NEBL: variants seen among roughly 807,000 people sequenced by gnomAD.
NEBL encodes the protein nebulette.
In NEBL, 122 loss-of-function variants were observed where a neutral mutation model predicts 140.2. The ratio of observed to expected loss-of-function variants is 0.87; its 90% confidence interval spans 0.75 to 1.01. NEBL has a LOEUF of 1.01. Ranked by LOEUF, NEBL falls within the 50% of genes least tolerant of loss-of-function variation. NEBL has a pLI of 0.00. For missense variants in NEBL, 1,365 were observed against 1,231.3 expected, an observed-to-expected ratio of 1.11 and a Z score of -1.62; for synonymous variants, 436 against 398.9, an observed-to-expected ratio of 1.09 and a Z score of -1.11.
At chr10:20,800,764 G>A (rs11012346) in intron 26 of NEBL, among the ~76,000 whole-genome samples, 15,381 of 151,594 alleles carry the variant, frequency 0.1, 1,001 homozygotes, top group Non-Finnish European at 0.14. Flanking sequence ...TCCCTCTAGC[G>A]GACCACTGAG....
chr10:20,880,748 C>T, intron 5 of NEBL, 46 bp downstream of exon 5: 1 of 1,406,446 alleles, frequency 7.1e-7, no homozygotes. Flanking sequence ...CCTAATATGA[C>T]TTAACTACAG....
At position 20,780,210 on chromosome 10, in the gene NEBL, G is replaced by T. The variant is rs1272382448; in HGVS notation, c.*5537C>A. The T allele has an allele frequency of 6.6e-6, 1 of 152,156 alleles. No individual in the cohort carries two copies. Among genetic ancestry groups the T allele is most frequent in the Non-Finnish European group, 1.5e-5 (1 of 68,030 alleles). 9.4% of individuals were successfully genotyped at this position (152,156 alleles called of 1,614,324 possible). On this transcript the variant is annotated 3_prime_UTR_variant, in exon 28 of 28. Coordinates refer to ENST00000377122, the MANE Select transcript of NEBL (RefSeq NM_006393.3). Reference sequence around the variant, plus strand: ...TGATAAATGAGCCTTTCTTAGCTGAGAAATCAGTTGCTTCCCATTTTATGT... The same window carrying T: ...TGATAAATGAGCCTTTCTTAGCTGATAAATCAGTTGCTTCCCATTTTATGT...
chr10:21,075,763 G>T (rs1270143688), intron 2 of NEBL, among the ~76,000 whole-genome samples: 1 of 152,258 alleles, frequency 6.6e-6, no homozygotes, highest in African/African-American at 2.4e-5. Context: ...ACTACTCTCA[G>T]AAAATACTTG....
At chr10:21,155,206 A>C (rs538402828) in intron 2 of NEBL, among the ~76,000 whole-genome samples, 4 of 152,290 alleles carry the variant, frequency 2.6e-5, no homozygotes, top group Admixed American at 6.5e-5. Context: ...CACACACACA[A>C]AAAAATTTTT....
At chr10:21,137,544 A>G (rs1459777206) in intron 2 of NEBL, among the ~76,000 whole-genome samples, 1 of 152,124 alleles carries the variant, frequency 6.6e-6, no homozygotes, top group East Asian at 1.9e-4. Context: ...CTGCCCCATT[A>G]GGTTTTCAGT....
At chr10:20,998,409 T>G (rs1365187468) in intron 3 of NEBL, among the ~76,000 whole-genome samples, 1 of 152,180 alleles carries the variant, frequency 6.6e-6, no homozygotes, top group African/African-American at 2.4e-5. Context: ...TAACTCCCAG[T>G]AAATAATGTC....
chr10:21,059,810 T>G (rs1349383114), intron 2 of NEBL, among the ~76,000 whole-genome samples: 1 of 152,198 alleles, frequency 6.6e-6, no homozygotes, highest in African/African-American at 2.4e-5. Context: ...ATTAAGGTTA[T>G]CTTACAGTGA....
At chr10:20,800,371 C>T (rs981439473) in intron 26 of NEBL, among the ~76,000 whole-genome samples, 1 of 152,026 alleles carries the variant, frequency 6.6e-6, no homozygotes, top group South Asian at 2.1e-4. Flanking sequence ...CCCATTCATC[C>T]TTTGATGGGC....
At position 20,850,472 on chromosome 10, in the gene NEBL, T is replaced by C. The variant is rs1842398385; in HGVS notation, c.1039A>G (p.Lys347Glu). The change falls in exon 11 of 28, where the codon AAG becomes GAG. Residue 347 changes from lysine (K) to glutamate (E), a missense_variant. Physicochemically the swap from Lys to Glu is moderately conservative, Grantham distance 56. Transcript: ENST00000377122. ...VKYKEEYEKN[K>E]GKPMLEFVET... Reference sequence around the variant, plus strand: ...ACAAATTCAAGCATTGGCTTTCCCTTATTTTTCTCATATTCTTCTTTATAT... The same window carrying C: ...ACAAATTCAAGCATTGGCTTTCCCTCATTTTTCTCATATTCTTCTTTATAT... 1 of 1,609,298 alleles carries C rather than the reference T, an allele frequency of 6.2e-7. No homozygotes were observed. Among genetic ancestry groups the C allele is most frequent in the Non-Finnish European group, 8.5e-7 (1 of 1,175,744 alleles).
At chr10:20,926,153 C>G (rs1286611286) in intron 4 of NEBL, among the ~76,000 whole-genome samples, 1 of 152,210 alleles carries the variant, frequency 6.6e-6, no homozygotes, top group Non-Finnish European at 1.5e-5. Flanking sequence ...TGAGTCGCTA[C>G]TGGCATCTTT....
At position 20,946,703 on chromosome 10, in the gene NEBL, G is replaced by A. The variant is rs187326703; in HGVS notation, c.357+14969C>T. 3.3e-5 allele frequency among the ~76,000 whole-genome samples: 5 copies of A among 152,154 alleles called. No homozygotes were observed. In the East Asian group the frequency reaches 5.8e-4, roughly 18 times the overall value. On this transcript the variant is annotated intron_variant, in intron 4 of 6. Transcript: ENST00000417816. ...TGGTCTCAAACACCGCGCCAGTCCCGTTTTATTATTCTTTAAACTGGACAT... is the reference window on the plus strand; with the variant it reads ...TGGTCTCAAACACCGCGCCAGTCCCATTTTATTATTCTTTAAACTGGACAT...
At chr10:21,222,869 T>C (rs544049851) in intron 3 of NEBL, among the ~76,000 whole-genome samples, 1 of 152,274 alleles carries the variant, frequency 6.6e-6, no homozygotes, top group South Asian at 2.1e-4. Flanking sequence ...TTCAAGTAAT[T>C]CTCTGGCCTC....
chr10:20,993,490 C>T (rs1046412607), intron 3 of NEBL, among the ~76,000 whole-genome samples: 4 of 152,182 alleles, frequency 2.6e-5, no homozygotes, highest in East Asian at 1.9e-4. Context: ...GGCATTCACG[C>T]GTCTTGCTCA....
chr10:21,200,485 T>C (rs1323073839), intron 3 of NEBL, among the ~76,000 whole-genome samples: 1 of 151,938 alleles, frequency 6.6e-6, no homozygotes, highest in African/African-American at 2.4e-5. Flanking sequence ...AGCTAACTTT[T>C]GTATTTTTAA....
intron 2 of NEBL, among the ~76,000 whole-genome samples, chr10:21,089,537 G>A (rs984941921): frequency 2.0e-5 from 3 of 152,050 alleles, no homozygotes; most frequent in Non-Finnish European, 4.4e-5. Context: ...GGAAGCTGAG[G>A]GCAGAGAGAC....
chr10:21,060,165 T>C (rs974924836), intron 2 of NEBL, among the ~76,000 whole-genome samples: 2 of 152,212 alleles, frequency 1.3e-5, no homozygotes, highest in East Asian at 1.9e-4. Flanking sequence ...ACAGAAGTTA[T>C]AGTTTAAAGA....
At chr10:20,900,794 A>G (rs788981), upstream of NEBL, among the ~76,000 whole-genome samples, 128,661 of 146,992 alleles carry the variant, frequency 0.88, 56,574 homozygotes, top group South Asian at 0.92. Flanking sequence ...GCAGTGAGCC[A>G]AGATCCTGCC....
chr10:21,030,402 T>C lies in NEBL; in HGVS notation c.165-10201A>G, dbSNP rs956944296. The C allele has an allele frequency of 4.8e-6, 3 of 618,562 alleles. No individual in the cohort carries two copies. The African/African-American group carries it at 5.6e-5, about 11-fold the overall frequency. The allele number at this position is 618,562 out of a possible 1,614,324, so 38.3% of individuals were successfully genotyped here. A position where few individuals can be genotyped will look rare whatever the true frequency, so the allele number is the denominator to read the frequency against. On this transcript the variant is annotated intron_variant, in intron 2 of 6. Coordinates refer to the NEBL transcript ENST00000417816. Reference sequence around the variant, plus strand: ...GGAAGGAGAGAGACTGAAAAGTCTCTAGAAAATGAAACACTCAGTAAGGAG... The same window carrying C: ...GGAAGGAGAGAGACTGAAAAGTCTCCAGAAAATGAAACACTCAGTAAGGAG...
intron 5 of NEBL, among the ~76,000 whole-genome samples, chr10:20,878,245 G>T (rs1845689075): frequency 6.6e-6 from 1 of 151,948 alleles, no homozygotes; most frequent in African/African-American, 2.4e-5. Flanking sequence ...GAGACATCTT[G>T]GTTCACTAAA....
Sources: gnomAD v4.1 joint callset for allele counts (sites outside exome capture counted in the v4.1 genomes callset) on GRCh38, gnomAD v4.1.1 for gene constraint, MANE v1.5 for transcripts, NCBI Gene and HGNC (gene_info 2026-07-23, HGNC 2026-07-21) for gene names.